Variants in NCKAP5 observed in about 807,000 individuals in gnomAD.
NCKAP5 encodes the protein nck-associated protein 5.
NCKAP5 carries 92 observed loss-of-function variants against 167.0 expected under a neutral mutation model. That is an observed-to-expected ratio of 0.55 (90% CI 0.47 to 0.66). The LOEUF (loss-of-function observed/expected upper bound fraction) is 0.66, where lower values mean the gene tolerates loss of function less well. Ranked by LOEUF, NCKAP5 falls within the 30% of genes least tolerant of loss-of-function variation. The probability of loss-of-function intolerance (pLI) is 0.00; values close to 1 mark genes in which losing one functional copy is unlikely to be tolerated. For missense variants in NCKAP5, 2,378 were observed against 2,315.0 expected (o/e 1.03, Z -0.56); for synonymous variants, 891 against 877.4 (o/e 1.02, Z -0.27).
chr2:132,948,424 G>T (rs913731641), intron 8 of NCKAP5, among the ~76,000 whole-genome samples: 2 of 152,276 alleles, frequency 1.3e-5, no homozygotes, highest in East Asian at 1.9e-4. Context: ...CAGAGGAATT[G>T]CTTTAAGGAC....
At chr2:133,219,029 C>G (rs942353573) in intron 4 of NCKAP5, among the ~76,000 whole-genome samples, 3 of 152,168 alleles carry the variant, frequency 2.0e-5, no homozygotes, top group Non-Finnish European at 2.9e-5. Flanking sequence ...ATGAATGAAT[C>G]AACACGAATG....
the NCKAP5 span, among the ~76,000 whole-genome samples, chr2:133,668,765 G>A: frequency 1.3e-5 from 2 of 152,244 alleles, no homozygotes; most frequent in Admixed American, 6.5e-5. Context: ...TTCATCAAAT[G>A]TGGCATGTTT....
intron 5 of NCKAP5, among the ~76,000 whole-genome samples, chr2:133,143,687 ACT>A (rs1047491086): frequency 3.3e-5 from 5 of 151,848 alleles, no homozygotes; most frequent in African/African-American, 9.7e-5. Context: ...AAAAAGAGAG[ACT>A]CTTCCCAGCA....
In NCKAP5 at chr2:133,203,998, A is replaced by C. The variant is rs148888447; in HGVS notation, c.207+9718T>G. Among the ~76,000 whole-genome samples the C allele has an allele frequency of 3.9e-3, 594 of 152,338 alleles. 5 individuals carry two copies. Among genetic ancestry groups the C allele is most frequent in the African/African-American group, 0.014 (568 of 41,586 alleles). Reference sequence around the variant, plus strand: ...CTTGGTTTTATGTAACCTTTTGCTCAACAGAAGTTATTGCTTTTTACAATA... The same window carrying C: ...CTTGGTTTTATGTAACCTTTTGCTCCACAGAAGTTATTGCTTTTTACAATA... On this transcript the variant is annotated intron_variant, in intron 5 of 19. Transcript: ENST00000409261.
chr2:133,004,090 A>G (rs1233472853), intron 6 of NCKAP5, among the ~76,000 whole-genome samples: 2 of 152,228 alleles, frequency 1.3e-5, no homozygotes, highest in African/African-American at 4.8e-5. Context: ...TTATGGATTC[A>G]TGTGTTTGTA....
intron 8 of NCKAP5, among the ~76,000 whole-genome samples, chr2:132,887,715 T>C (rs1010532379): frequency 2.0e-5 from 3 of 152,180 alleles, no homozygotes; most frequent in African/African-American, 7.2e-5. Context: ...GGTGTGATCA[T>C]AGCTCACTGC....
At chr2:132,719,115 T>G (rs1367532762) in intron 19 of NCKAP5, among the ~76,000 whole-genome samples, 1 of 152,064 alleles carries the variant, frequency 6.6e-6, no homozygotes, top group South Asian at 2.1e-4. Context: ...AGCAAAAGCA[T>G]GGAAGCCTCC....
chr2:132,781,583 C>T (rs922025064), intron 14 of NCKAP5, among the ~76,000 whole-genome samples: 24 of 152,090 alleles, frequency 1.6e-4, no homozygotes, highest in Non-Finnish European at 7.4e-5. Flanking sequence ...GTATAATCAA[C>T]GAAATCGGCA....
At chr2:132,766,715 T>TC (rs1681525954) in intron 16 of NCKAP5, among the ~76,000 whole-genome samples, 1 of 152,194 alleles carries the variant, frequency 6.6e-6, no homozygotes, top group African/African-American at 2.4e-5. Flanking sequence ...TTTGAGATCT[T>TC]CCCCTCTTTC....
intron 8 of NCKAP5, among the ~76,000 whole-genome samples, chr2:132,886,235 G>A (rs1692208167): frequency 6.6e-6 from 1 of 152,172 alleles, no homozygotes; most frequent in South Asian, 2.1e-4. Flanking sequence ...CACCATTCAA[G>A]AGACTCCCCA....
At chr2:132,874,895 G>GTTTATTTTATTTTAT (rs72377677) in intron 9 of NCKAP5, among the ~76,000 whole-genome samples, 1,514 of 150,392 alleles carry the variant, frequency 0.01, 25 homozygotes, top group African/African-American at 0.035. Context: ...CTGGGATATG[G>GTTTATTTTATTTTAT]TTTATTTTAT....
At chr2:132,901,761 T>G (rs1424902190) in intron 8 of NCKAP5, among the ~76,000 whole-genome samples, 2 of 152,220 alleles carry the variant, frequency 1.3e-5, no homozygotes, top group Non-Finnish European at 2.9e-5. Context: ...AGAATTTATT[T>G]AAAAGAGCAA....
intron 3 of NCKAP5, among the ~76,000 whole-genome samples, chr2:133,462,534 C>T (rs1365550681): frequency 3.9e-5 from 6 of 152,048 alleles, no homozygotes; most frequent in Admixed American, 2.0e-4. Flanking sequence ...AATGGAAGTT[C>T]CAAATATACT....
intron 3 of NCKAP5, among the ~76,000 whole-genome samples, chr2:133,460,998 G>A (rs1230956184): frequency 1.3e-5 from 2 of 152,158 alleles, no homozygotes; most frequent in Non-Finnish European, 2.9e-5. Context: ...AATTTGGTTT[G>A]GAAGAGAATG....
chr2:133,651,889 T>C, the NCKAP5 span, among the ~76,000 whole-genome samples: 1 of 152,192 alleles, frequency 6.6e-6, no homozygotes, highest in African/African-American at 2.4e-5. Context: ...CTTTCAATGG[T>C]TGGGGTTTCT....
intron 3 of NCKAP5, among the ~76,000 whole-genome samples, chr2:133,431,018 A>G (rs577946091): frequency 9.3e-4 from 141 of 152,140 alleles, no homozygotes; most frequent in Middle Eastern, 3.4e-3. Flanking sequence ...AAAAAGAAAG[A>G]CAGAGAGAGA....
At chr2:133,419,250 C>G (rs1385034594) in intron 3 of NCKAP5, among the ~76,000 whole-genome samples, 2 of 152,028 alleles carry the variant, frequency 1.3e-5, no homozygotes, top group Non-Finnish European at 1.5e-5. Flanking sequence ...AATAGATGGT[C>G]CAAGAAATAG....
At chr2:132,908,411 T>C (rs1033170492) in intron 8 of NCKAP5, among the ~76,000 whole-genome samples, 32 of 152,290 alleles carry the variant, frequency 2.1e-4, no homozygotes, top group African/African-American at 7.5e-4. Context: ...TCAAATCCTT[T>C]AGGATGTGGT....
chr2:133,037,771 A>C (rs1041721735), intron 6 of NCKAP5, among the ~76,000 whole-genome samples: 1 of 152,182 alleles, frequency 6.6e-6, no homozygotes, highest in Non-Finnish European at 1.5e-5. Flanking sequence ...AGCACAGGTT[A>C]CCAAAGCAAA....
Sources: allele counts gnomAD v4.1 joint callset (sites outside exome capture counted in the v4.1 genomes callset), GRCh38; gene constraint gnomAD v4.1.1; transcripts MANE v1.5; gene names NCBI Gene and HGNC (gene_info 2026-07-23, HGNC 2026-07-21).